TMEM266: variants seen among roughly 807,000 people sequenced by gnomAD.
TMEM266 encodes the protein Hv1 related protein 1.
In TMEM266, 33 loss-of-function variants were observed where a neutral mutation model predicts 50.5. That is an observed-to-expected ratio of 0.65 (90% CI 0.50 to 0.87). The LOEUF (loss-of-function observed/expected upper bound fraction) is 0.87. Ranked by LOEUF, TMEM266 falls within the 40% of genes least tolerant of loss-of-function variation. The pLI is 0.00. For missense variants in TMEM266, 655 were observed against 695.1 expected (o/e 0.94, Z 0.65); for synonymous variants, 310 against 292.3 (o/e 1.06, Z -0.62).
At chr15:76,096,534 T>C (rs528343867) in intron 1 of TMEM266, among the ~76,000 whole-genome samples, 291 of 152,136 alleles carry the variant, frequency 1.9e-3, no homozygotes, top group African/African-American at 6.8e-3. Context: ...AATTATGTGG[T>C]CAATTTTAGA....
At chr15:76,077,622 G>A (rs574849256) in intron 1 of TMEM266, among the ~76,000 whole-genome samples, 32 of 152,220 alleles carry the variant, frequency 2.1e-4, no homozygotes, top group African/African-American at 7.7e-4. Context: ...AGAGGCAGAG[G>A]AAGATTAGCC....
intron 3 of TMEM266, among the ~76,000 whole-genome samples, chr15:76,143,085 C>T (rs2037705442): frequency 6.6e-6 from 1 of 152,146 alleles, no homozygotes; most frequent in African/African-American, 2.4e-5. Context: ...TGCACCGCAC[C>T]CCGGTCTCTT....
intron 8 of TMEM266, chr15:76,181,366 T>A (rs1481223264): frequency 1.3e-5 from 2 of 152,180 alleles, no homozygotes; most frequent in Non-Finnish European, 2.9e-5. Flanking sequence ...AGATTCCTAC[T>A]TGGGGAGGGG....
chr15:76,193,438 T>TCAA (rs1347378361), intron 9 of TMEM266, among the ~76,000 whole-genome samples: 3 of 152,156 alleles, frequency 2.0e-5, no homozygotes, highest in Non-Finnish European at 2.9e-5. Flanking sequence ...CAGGCTGGTC[T>TCAA]CAAAGTCTTG....
rs1009612481 is a variant in TMEM266 at position 76,168,041 on chromosome 15, C to T, written c.457-1775C>T. On this transcript the variant is annotated intron_variant, in intron 5 of 10. Coordinates refer to ENST00000388942, the MANE Select transcript of TMEM266 (RefSeq NM_152335.3). This position sits in a 1 kb window ranked among gnomAD's most constrained non-coding sequence, Gnocchi z 4.4. ...AGGAAGGATTATAACATGTAACCCA[C>T]CTCTCTGGCAGAAGGAGAAACTGAG... 2.6e-5 allele frequency among the ~76,000 whole-genome samples: 4 copies of T among 152,230 alleles called. No individual in the cohort carries two copies. Among genetic ancestry groups the T allele is most frequent in the East Asian group, 1.9e-4 (1 of 5,198 alleles).
chr15:76,164,773 C>T (rs2038067498), intron 5 of TMEM266, among the ~76,000 whole-genome samples: 1 of 152,218 alleles, frequency 6.6e-6, no homozygotes, highest in Non-Finnish European at 1.5e-5. Flanking sequence ...CCCTACGCCC[C>T]CAACCCACTG....
intron 3 of TMEM266, among the ~76,000 whole-genome samples, chr15:76,143,060 C>T (rs1448166030): frequency 6.6e-6 from 1 of 152,186 alleles, no homozygotes; most frequent in African/African-American, 2.4e-5. Context: ...AAAGTAGGCA[C>T]AGTCGTGGAT....
At chr15:76,127,380 G>A (rs1462900516) in intron 1 of TMEM266, among the ~76,000 whole-genome samples, 1 of 149,868 alleles carries the variant, frequency 6.7e-6, no homozygotes, top group Non-Finnish European at 1.5e-5. Flanking sequence ...AGGCTGGAGT[G>A]CAGTGGCTCA....
chr15:76,091,325 A>G (rs924505889), intron 1 of TMEM266, among the ~76,000 whole-genome samples: 1 of 151,986 alleles, frequency 6.6e-6, no homozygotes, highest in African/African-American at 2.4e-5. Flanking sequence ...GGGACCTCAG[A>G]AAAAAAATGG....
intron 8 of TMEM266, among the ~76,000 whole-genome samples, chr15:76,183,069 T>A (rs1222387056): frequency 6.8e-6 from 1 of 146,124 alleles, no homozygotes; most frequent in Non-Finnish European, 1.5e-5. Context: ...TCCACACAAG[T>A]CACTCAGGCC....
At chr15:76,128,413 C>T (rs2037456693) in intron 1 of TMEM266, among the ~76,000 whole-genome samples, 1 of 152,176 alleles carries the variant, frequency 6.6e-6, no homozygotes, top group African/African-American at 2.4e-5. Context: ...TGGGTAAATA[C>T]ATAGACTCAT....
Position 76,169,867 on chromosome 15 carries a change from A to G in TMEM266, c.508A>G (p.Ile170Val). 6.2e-7 allele frequency: 1 copy of G among 1,613,530 alleles called. No homozygotes were observed. Among genetic ancestry groups the G allele is most frequent in the Non-Finnish European group, 8.5e-7 (1 of 1,179,666 alleles). The part of the protein sequence containing the change: ...NKIEVFDGAV[I>V]ILSLAPMVAS... ...GATCTGGGATTACATCGAAAACAAA[A>G]TAGAGGTAAAGACCAATGTCCACCC... Residue 170 changes from isoleucine (I) to valine (V), a missense_variant, in exon 6 of 11, where the codon ATA becomes GTA. Ile to Val is a conservative substitution (Grantham distance 29). Around this residue, in one of 3 missense-constraint regions of TMEM266, gnomAD observed 101 missense variants for 182.6 expected, o/e 0.55. Coordinates refer to ENST00000388942, the MANE Select transcript of TMEM266 (RefSeq NM_152335.3).
chr15:76,097,926 T>C (rs1354075319), intron 1 of TMEM266, among the ~76,000 whole-genome samples: 1 of 152,018 alleles, frequency 6.6e-6, no homozygotes, highest in African/African-American at 2.4e-5. Context: ...CTTCATGAAG[T>C]TCTCGTGGTA....
chr15:76,104,635 G>A (rs989862089), intron 1 of TMEM266, among the ~76,000 whole-genome samples: 2 of 151,940 alleles, frequency 1.3e-5, no homozygotes, highest in Admixed American at 6.6e-5. Context: ...AGATAAGAGG[G>A]AGGCTGTGAC....
chr15:76,169,564 G>T (rs1236646923), intron 5 of TMEM266, among the ~76,000 whole-genome samples: 2 of 152,160 alleles, frequency 1.3e-5, no homozygotes, highest in Non-Finnish European at 2.9e-5. Context: ...GTGCCCAGGG[G>T]ATGGCACAGA....
Position 76,118,209 on chromosome 15 carries a change from C to T in TMEM266, c.-96-15959C>T, listed in dbSNP as rs1204921966. Reference sequence around the variant, plus strand: ...TGAGCCACTCAGCTGGCCTTCAGCACATATCATCTTCAGTCATTATTTACA... The same window carrying T: ...TGAGCCACTCAGCTGGCCTTCAGCATATATCATCTTCAGTCATTATTTACA... On this transcript the variant is annotated intron_variant, in intron 1 of 10. Transcript: ENST00000388942. Among the ~76,000 whole-genome samples, 3 of 152,200 alleles carry T rather than the reference C, an allele frequency of 2.0e-5. No individual in the cohort carries two copies. In the South Asian group the frequency reaches 6.2e-4, roughly 32 times the overall value.
chr15:76,072,467 G>A (rs922096987), intron 1 of TMEM266, among the ~76,000 whole-genome samples: 106 of 148,260 alleles, frequency 7.1e-4, no homozygotes, highest in African/African-American at 2.6e-3. Context: ...AAAAGAAGCA[G>A]CACTGGACTA....
intron 7 of TMEM266, among the ~76,000 whole-genome samples, chr15:76,174,460 A>G (rs955288882): frequency 1.3e-5 from 2 of 152,078 alleles, no homozygotes; most frequent in African/African-American, 2.4e-5. Context: ...CTGAGGCTGG[A>G]GAATCACTTG....
intron 8 of TMEM266, among the ~76,000 whole-genome samples, chr15:76,188,269 A>AAAC (rs2038518001): frequency 1.3e-5 from 2 of 152,214 alleles, no homozygotes; most frequent in African/African-American, 4.8e-5. Context: ...GAAACTCACA[A>AAAC]TCATGGCAGA....
Sources: gnomAD v4.1 joint callset for allele counts (sites outside exome capture counted in the v4.1 genomes callset) on GRCh38, gnomAD v4.1.1 for gene constraint, gnomAD v4.1.1 regional missense constraint, Gnocchi (gnomAD v3.1) non-coding constraint, MANE v1.5 for transcripts, NCBI Gene and HGNC (gene_info 2026-07-23, HGNC 2026-07-21) for gene names.